The following CADM2 variants were observed in gnomAD, a reference collection of about 807,000 sequenced individuals.
CADM2 encodes cell adhesion molecule 2.
CADM2 carries 12 observed loss-of-function variants against 49.8 expected under a neutral mutation model. That is an observed-to-expected ratio of 0.24 (90% CI 0.15 to 0.39). The LOEUF (loss-of-function observed/expected upper bound fraction) is 0.39, where lower values mean the gene tolerates loss of function less well. Among genes scored for constraint, CADM2 ranks in the 10% least tolerant of loss-of-function variants. The pLI is 1.00. For synonymous variants in CADM2, 214 were observed against 175.4 expected (o/e 1.22, Z -1.74); for missense variants, 378 against 492.3 (o/e 0.77, Z 2.20).
At chr3:85,985,872 G>T (rs1468622064) in intron 8 of CADM2, among the ~76,000 whole-genome samples, 1 of 151,958 alleles carries the variant, frequency 6.6e-6, no homozygotes, top group Non-Finnish European at 1.5e-5. Context: ...GAAAGGTTGG[G>T]ATGAATTGTC....
intron 8 of CADM2, among the ~76,000 whole-genome samples, chr3:85,988,690 A>T (rs1261230094): frequency 6.6e-6 from 1 of 152,184 alleles, no homozygotes; most frequent in Non-Finnish European, 1.5e-5. Flanking sequence ...TCTCTTCACC[A>T]ATATTGTTTA....
At chr3:85,559,348 A>G (rs959998935) in intron 1 of CADM2, among the ~76,000 whole-genome samples, 1 of 152,068 alleles carries the variant, frequency 6.6e-6, no homozygotes, top group Admixed American at 6.6e-5. Flanking sequence ...TTTGATAAAC[A>G]GATTGGTGAG....
intron 1 of CADM2, among the ~76,000 whole-genome samples, chr3:85,524,754 T>C (rs939655925): frequency 1.3e-5 from 2 of 152,222 alleles, no homozygotes; most frequent in Non-Finnish European, 2.9e-5. Flanking sequence ...TATGGATTTG[T>C]CTATTCCTCC....
intron 1 of CADM2, among the ~76,000 whole-genome samples, chr3:85,673,487 G>A (rs1257996384): frequency 7.9e-6 from 1 of 126,142 alleles, no homozygotes; most frequent in African/African-American, 3.0e-5. Context: ...GGAAGAGAGT[G>A]CTATTAAAAA....
intron 1 of CADM2, among the ~76,000 whole-genome samples, chr3:85,704,622 G>T (rs2066881287): frequency 1.3e-5 from 2 of 152,006 alleles, no homozygotes; most frequent in Admixed American, 1.3e-4. Flanking sequence ...ACCTTCTAAA[G>T]TTTCCACCTC....
chr3:85,379,773 G>GTT (rs1167125776), intron 1 of CADM2, among the ~76,000 whole-genome samples: 1 of 151,932 alleles, frequency 6.6e-6, no homozygotes, highest in Non-Finnish European at 1.5e-5. Context: ...TATTCAAGTT[G>GTT]TTACATTTTG....
At chr3:85,734,190 T>C (rs1296067633) in intron 2 of CADM2, among the ~76,000 whole-genome samples, 1 of 152,134 alleles carries the variant, frequency 6.6e-6, no homozygotes, top group Non-Finnish European at 1.5e-5. Context: ...TAAAAAGCTT[T>C]GGGGAAAGTT....
At chr3:85,989,751 G>A (rs954466878) in intron 8 of CADM2, among the ~76,000 whole-genome samples, 3 of 151,890 alleles carry the variant, frequency 2.0e-5, no homozygotes, top group Non-Finnish European at 2.9e-5. Context: ...GGTGGCTCAC[G>A]CCTTTAATCC....
rs559616885 is a variant in CADM2, at chr3:85,676,505, T to C, written c.62-50017T>C. On this transcript the variant is annotated intron_variant, in intron 1 of 9. Transcript: ENST00000383699. ...ACTTACCTGCTTATTAAAAGCATAG[T>C]TTTGATTGTTGTAACATAGGACAGA... Among the ~76,000 whole-genome samples the C allele has an allele frequency of 3.3e-5, 5 of 152,300 alleles. No individual in the cohort carries two copies. In the East Asian group the frequency reaches 9.7e-4, roughly 29 times the overall value.
chr3:85,422,847 G>A (rs1483195173), intron 1 of CADM2, among the ~76,000 whole-genome samples: 1 of 151,916 alleles, frequency 6.6e-6, no homozygotes, highest in Non-Finnish European at 1.5e-5. Flanking sequence ...TCAACCCCAC[G>A]GCAGTGTCTC....
chr3:85,212,112 G>T (rs2107770110), intron 1 of CADM2, among the ~76,000 whole-genome samples: 2 of 151,998 alleles, frequency 1.3e-5, no homozygotes, highest in East Asian at 1.9e-4. Flanking sequence ...CTCTTTTCTG[G>T]TTTCCATCTA....
At chr3:85,984,455 C>G (rs1436571146) in intron 8 of CADM2, among the ~76,000 whole-genome samples, 1 of 151,406 alleles carries the variant, frequency 6.6e-6, no homozygotes, top group African/African-American at 2.4e-5. Context: ...ATTTCAAATT[C>G]AGGAGACATA....
intron 1 of CADM2, among the ~76,000 whole-genome samples, chr3:85,190,880 G>A (rs1342123116): frequency 1.3e-5 from 2 of 152,012 alleles, no homozygotes; most frequent in Non-Finnish European, 2.9e-5. Flanking sequence ...TGGTAACTGA[G>A]ACAATTAATT....
chr3:85,359,221 A>G (rs1243872603), intron 1 of CADM2, among the ~76,000 whole-genome samples: 2 of 152,152 alleles, frequency 1.3e-5, no homozygotes, highest in Non-Finnish European at 2.9e-5. Context: ...AAAGAAATGG[A>G]TTAATCTTTG....
At chr3:85,542,372 G>C (rs2061570432) in intron 1 of CADM2, among the ~76,000 whole-genome samples, 1 of 151,914 alleles carries the variant, frequency 6.6e-6, no homozygotes, top group Non-Finnish European at 1.5e-5. Flanking sequence ...TTATGTTCTA[G>C]ACATCATGCT....
chr3:85,634,528 A>C (rs571245408), intron 1 of CADM2, among the ~76,000 whole-genome samples: 11 of 152,050 alleles, frequency 7.2e-5, no homozygotes, highest in Non-Finnish European at 1.6e-4. Context: ...CCTGTGTAAC[A>C]AGGTATGTCA....
intron 6 of CADM2, among the ~76,000 whole-genome samples, chr3:85,914,778 T>G (rs897604503): frequency 5.9e-5 from 9 of 152,180 alleles, no homozygotes; most frequent in Non-Finnish European, 1.2e-4. Context: ...AAGAGACTTG[T>G]TACAGGATTT....
At chr3:85,665,397 G>A (rs2065535513) in intron 1 of CADM2, among the ~76,000 whole-genome samples, 3 of 151,998 alleles carry the variant, frequency 2.0e-5, no homozygotes, top group South Asian at 4.1e-4. Context: ...GGCCTGCAAT[G>A]GATATGTGTT....
At chr3:85,943,965 T>TAC (rs1423076852) in intron 7 of CADM2, among the ~76,000 whole-genome samples, 2 of 151,842 alleles carry the variant, frequency 1.3e-5, no homozygotes, top group Non-Finnish European at 2.9e-5. Flanking sequence ...CTAATTAAAA[T>TAC]ACACACACTG....
Sources: allele counts gnomAD v4.1 joint callset (sites outside exome capture counted in the v4.1 genomes callset), GRCh38; gene constraint gnomAD v4.1.1; transcripts MANE v1.5; gene names NCBI Gene and HGNC (gene_info 2026-07-23, HGNC 2026-07-21).